The following XPNPEP1 variants were observed in gnomAD, a reference collection of about 807,000 sequenced individuals.
XPNPEP1 encodes the protein xaa-Pro aminopeptidase 1.
Under a neutral mutation model 92.4 loss-of-function variants are expected in XPNPEP1, and 39 were observed. The observed-to-expected ratio is 0.42, with a 90% CI of 0.33 to 0.55. XPNPEP1 has a LOEUF of 0.55. Among genes scored for constraint, XPNPEP1 ranks in the 20% least tolerant of loss-of-function variants. The pLI is 0.08. For synonymous variants in XPNPEP1, 307 were observed against 299.4 expected (o/e 1.03, Z -0.26); for missense variants, 654 against 856.1 (o/e 0.76, Z 2.95).
At chr10:109,918,833 G>A (rs1484524991) in intron 1 of XPNPEP1, among the ~76,000 whole-genome samples, 1 of 112,814 alleles carries the variant, frequency 8.9e-6, no homozygotes. Context: ...GAAAGGAAAG[G>A]AGGAAGGAAG....
Position 109,867,546 on chromosome 10 carries a change from C to G in XPNPEP1, c.1872+1068G>C, listed in dbSNP as rs149882220. Among the ~76,000 whole-genome samples the G allele has an allele frequency of 0.01, 1,537 of 152,306 alleles. 32 individuals carry two copies. Among genetic ancestry groups the G allele is most frequent in the South Asian group, 0.081 (389 of 4,826 alleles). On this transcript the variant is annotated intron_variant, in intron 20 of 20. Transcript: ENST00000502935. This position sits in a 1 kb window ranked among gnomAD's most constrained non-coding sequence, Gnocchi z 4.5. ...TCACCCACCTGTGAACTGGAACAGG[C>G]AGAAGAGGCTTCTAGCTGGGAGAAT...
Position 109,869,975 on chromosome 10 carries a change from A to C in XPNPEP1, c.1751T>G (p.Leu584Arg), listed in dbSNP as rs1312290493. ...AFGIRIENVV[L>R]VVPVKTKYNF... ...CACCTTGGTCTTCACAGGAACCACA[A>C]GGACAACATTCTCAATGCGAATTCC... is the stretch of plus-strand genomic sequence containing the variant. The change falls in exon 19 of 21, where the codon CTT becomes CGT. Residue 584 changes from leucine to arginine, a missense_variant. Coordinates refer to ENST00000502935, the MANE Select transcript of XPNPEP1 (RefSeq NM_020383.4). The C allele has an allele frequency of 1.2e-6, 2 of 1,614,172 alleles. No homozygotes were observed. Among genetic ancestry groups the C allele is most frequent in the Non-Finnish European group, 1.7e-6 (2 of 1,180,014 alleles).
chr10:109,891,940 G>C, intron 4 of XPNPEP1, 114 bp from the exon 5 acceptor site: 1 of 900,736 alleles, frequency 1.1e-6, no homozygotes, highest in East Asian at 2.6e-5. Context: ...CTCCTAGTGG[G>C]GCAGATGGGT....
intron 8 of XPNPEP1, among the ~76,000 whole-genome samples, chr10:109,885,318 TATAAA>T (rs912412034): frequency 8.5e-5 from 13 of 152,208 alleles, no homozygotes; most frequent in African/African-American, 2.2e-4. Context: ...AAAATCAGGC[TATAAA>T]ATGATATATG....
rs115815704 is a variant in XPNPEP1 at position 109,917,545 on chromosome 10, G to C, written c.33-2446C>G. Among the ~76,000 whole-genome samples, 1,408 of 152,328 alleles carry C rather than the reference G, an allele frequency of 9.2e-3. 32 individuals carry two copies. The highest frequency in any genetic ancestry group is 0.031 in the African/African-American group (1,305 of 41,564). On this transcript the variant is annotated intron_variant, in intron 1 of 20. Coordinates refer to ENST00000502935, the MANE Select transcript of XPNPEP1 (RefSeq NM_020383.4). ...AAGGTTTACTATTGGTAAGATGGCAGTAATTCCCAAATTGATCTATGGACT... is the reference window on the plus strand; with the variant it reads ...AAGGTTTACTATTGGTAAGATGGCACTAATTCCCAAATTGATCTATGGACT...
rs569508676 is a variant in XPNPEP1, at chr10:109,909,426, A to T, written c.122-1611T>A. Among the ~76,000 whole-genome samples the T allele has an allele frequency of 5.3e-5, 8 of 152,334 alleles. No homozygotes were observed. The East Asian group carries it at 1.5e-3, about 29-fold the overall frequency. On this transcript the variant is annotated intron_variant, in intron 2 of 20. Transcript: ENST00000502935. ...AAATAGGAATAGAAATATAAAACTA[A>T]TTAAAATGAAATGTTAAAGATGTTA...
chr10:109,919,103 AT>A (rs1159771541), intron 1 of XPNPEP1, among the ~76,000 whole-genome samples: 1 of 152,228 alleles, frequency 6.6e-6, no homozygotes, highest in African/African-American at 2.4e-5. Flanking sequence ...TTAGACACAA[AT>A]CAAAAAGCAC....
Position 109,886,205 on chromosome 10 carries a change from G to T in XPNPEP1, c.748+41C>A, listed in dbSNP as rs754550444. 1.9e-6 allele frequency: 3 copies of T among 1,591,428 alleles called. 1 individual carries two copies. The highest frequency in any genetic ancestry group is 2.2e-5 in the South Asian group (2 of 89,818). On this transcript the variant is annotated intron_variant, in intron 8 of 20. Transcript: ENST00000502935. ...CAGATACCCAGAGACCCAAAGGAGA[G>T]ATCGGGTAACATGCCCAAACAGCGA...
At position 109,866,299 on chromosome 10, in the gene XPNPEP1, CAGAT is replaced by C. The variant is rs575484253; in HGVS notation, c.1873-991_1873-988del. Among the ~76,000 whole-genome samples the C allele has an allele frequency of 1.1e-4, 17 of 152,268 alleles. No homozygotes were observed. The East Asian group carries it at 3.3e-3, about 29-fold the overall frequency. Reference sequence around the variant, plus strand: ...TTAATTACAAGGGACTGAGGGCAGACAGATAGGGTGGTGTTACCAACTGGCTGTG... The same window carrying C: ...TTAATTACAAGGGACTGAGGGCAGACAGGGTGGTGTTACCAACTGGCTGTG... On this transcript the variant is annotated intron_variant, in intron 20 of 20. Coordinates refer to ENST00000502935, the MANE Select transcript of XPNPEP1 (RefSeq NM_020383.4).
chr10:109,873,305 A>G, intron 16 of XPNPEP1, 62 bp downstream of exon 16: 1 of 1,593,488 alleles, frequency 6.3e-7, no homozygotes, highest in Non-Finnish European at 8.6e-7. Context: ...CCCTTTTCAT[A>G]AAAGCAATGC....
At chr10:109,888,436 G>T (rs1327301158) in intron 6 of XPNPEP1, 67 bp downstream of exon 6, 2 of 1,466,590 alleles carry the variant, frequency 1.4e-6, no homozygotes, top group African/African-American at 1.4e-5. Context: ...ACAAGCAAAT[G>T]AGGAGAATGG....
chr10:109,869,139 G>A (rs957353508), intron 19 of XPNPEP1, among the ~76,000 whole-genome samples: 4 of 152,162 alleles, frequency 2.6e-5, no homozygotes, highest in African/African-American at 4.8e-5. Flanking sequence ...CCCATCAGGC[G>A]ACAACACATC....
At chr10:109,907,605 T>A in intron 3 of XPNPEP1, 86 bp downstream of exon 3, 2 of 1,576,526 alleles carry the variant, frequency 1.3e-6, no homozygotes, top group South Asian at 2.4e-5. Context: ...GCCCTGGTTG[T>A]GGGTTGACAA....
At chr10:109,920,497 G>A (rs1309935327) in intron 1 of XPNPEP1, among the ~76,000 whole-genome samples, 1 of 152,178 alleles carries the variant, frequency 6.6e-6, no homozygotes, top group African/African-American at 2.4e-5. Flanking sequence ...GTAAGTAACT[G>A]ATCCCAATGA....
intron 3 of XPNPEP1, among the ~76,000 whole-genome samples, chr10:109,902,187 A>G (rs1224572521): frequency 6.6e-6 from 1 of 152,260 alleles, no homozygotes; most frequent in Non-Finnish European, 1.5e-5. Context: ...CACAACAGTA[A>G]TAACAACAAT....
At position 109,877,984 on chromosome 10, in the gene XPNPEP1, C is replaced by G. The variant is rs12260979; in HGVS notation, c.1241+16G>C. 5.0e-6 allele frequency: 8 copies of G among 1,614,068 alleles called. No homozygotes were observed. The Admixed American group carries it at 8.3e-5, about 17-fold the overall frequency. On this transcript the variant is annotated intron_variant, in intron 13 of 20. Coordinates refer to ENST00000502935, the MANE Select transcript of XPNPEP1 (RefSeq NM_020383.4). Reference sequence around the variant, plus strand: ...ATCAGCACGAGGCTCCTGGGTCCCCCCAAATGGATCCTTACCTGCGAAACT... The same window carrying G: ...ATCAGCACGAGGCTCCTGGGTCCCCGCAAATGGATCCTTACCTGCGAAACT...
chr10:109,906,056 C>CA (rs1036885469), intron 3 of XPNPEP1, among the ~76,000 whole-genome samples: 6 of 152,166 alleles, frequency 3.9e-5, no homozygotes, highest in African/African-American at 1.2e-4. Flanking sequence ...TGGGGAGAGG[C>CA]AGGAAGTCAG....
At chr10:109,868,578 T>C (rs1476691052) in intron 20 of XPNPEP1, 36 bp downstream of exon 20, 1 of 1,534,682 alleles carries the variant, frequency 6.5e-7, no homozygotes, top group Non-Finnish European at 9.0e-7. Flanking sequence ...CCACCTCCCC[T>C]AGTAACATGC....
rs1847881328 is a variant in XPNPEP1 at position 109,878,044 on chromosome 10, A to G, written c.1197T>C (p.Gly399=). 1 of 1,614,210 alleles carries G rather than the reference A, an allele frequency of 6.2e-7. No homozygotes were observed. Among genetic ancestry groups the G allele is most frequent in the South Asian group, 1.1e-5 (1 of 91,088 alleles). Residue 399 remains glycine (G), a synonymous_variant, in exon 13 of 21, where the codon GGT becomes GGC. Coordinates refer to ENST00000502935, the MANE Select transcript of XPNPEP1 (RefSeq NM_020383.4). ...TGTCAGCAGCTGAGATCTCTGTCAC[A>G]CCACCTTTGGGAACCTATGAGAAAA... The part of the protein sequence containing the change: ...NWLEKEVPKG[G]VTEISAADKA...
Sources: gnomAD v4.1 joint callset for allele counts (sites outside exome capture counted in the v4.1 genomes callset) on GRCh38, gnomAD v4.1.1 for gene constraint, Gnocchi (gnomAD v3.1) non-coding constraint, MANE v1.5 for transcripts, NCBI Gene and HGNC (gene_info 2026-07-23, HGNC 2026-07-21) for gene names.